ARHGEF26: variants seen among roughly 807,000 people sequenced by gnomAD.
ARHGEF26 encodes Rho guanine nucleotide exchange factor (GEF) 26.
Under a neutral mutation model 89.4 loss-of-function variants are expected in ARHGEF26, and 59 were observed. The ratio of observed to expected loss-of-function variants is 0.66; its 90% CI spans 0.54 to 0.82. The LOEUF is 0.82. Among genes scored for constraint, ARHGEF26 ranks in the 40% least tolerant of loss-of-function variants. The pLI is 0.00. For synonymous variants in ARHGEF26, 500 were observed against 428.4 expected (o/e 1.17, Z -2.06); for missense variants, 1,234 against 1,085.6 (o/e 1.14, Z -1.92).
In ARHGEF26 at chr3:154,253,178, G is replaced by C. The variant is rs774495050; in HGVS notation, c.2363G>C (p.Arg788Pro). The C allele has an allele frequency of 1.9e-6, 3 of 1,613,888 alleles. No individual in the cohort carries two copies. The highest frequency in any genetic ancestry group is 1.7e-5 in the Admixed American group (1 of 60,000). The change falls in exon 13 of 15, where the codon CGA (arginine) becomes CCA (proline). Residue 788 changes from arginine to proline, a missense_variant. Physicochemically the swap from Arg to Pro is moderately radical, Grantham distance 103. Coordinates refer to ENST00000465093, the MANE Select transcript of ARHGEF26 (RefSeq NM_015595.4). ...AGCAGCGGGAAGCCGCCTGCAGACC[G>C]AACCTGTAAGTTCTCTCAAGGGGAA... ...GHSSGKPPAD[R>P]TSLTQVEIVR...
intron 11 of ARHGEF26, among the ~76,000 whole-genome samples, chr3:154,239,251 AGAGAGAGAGG>A (rs1164226899): frequency 0.014 from 330 of 23,638 alleles, 8 homozygotes; most frequent in African/African-American, 0.035. Flanking sequence ...TAAATGACCG[AGAGAGAGAGG>A]GAGAGAGAGA....
intron 9 of ARHGEF26, among the ~76,000 whole-genome samples, chr3:154,214,624 G>T (rs1413142895): frequency 2.0e-5 from 3 of 152,178 alleles, no homozygotes; most frequent in Admixed American, 2.0e-4. Flanking sequence ...AATTTAAGAA[G>T]AGGTGCCGTG....
At chr3:154,154,902 ATATT>A (rs1159704235) in intron 6 of ARHGEF26, among the ~76,000 whole-genome samples, 5 of 152,020 alleles carry the variant, frequency 3.3e-5, no homozygotes, top group African/African-American at 1.2e-4. Context: ...ACCCTGCTAT[ATATT>A]AGCCATTCTA....
intron 11 of ARHGEF26, 113 bp downstream of exon 11, chr3:154,226,123 T>C (rs1211158947): frequency 3.3e-6 from 3 of 904,398 alleles, no homozygotes; most frequent in African/African-American, 1.7e-5. Context: ...AAGTATAGTT[T>C]CTACATACTG....
intron 6 of ARHGEF26, among the ~76,000 whole-genome samples, chr3:154,177,340 G>A (rs1048832428): frequency 1.3e-5 from 2 of 152,296 alleles, no homozygotes; most frequent in Admixed American, 6.5e-5. Flanking sequence ...CCTTGTAAGA[G>A]GGTATAAAAG....
intron 9 of ARHGEF26, among the ~76,000 whole-genome samples, chr3:154,213,612 A>C (rs1217987214): frequency 6.6e-6 from 1 of 152,102 alleles, no homozygotes; most frequent in African/African-American, 2.4e-5. Flanking sequence ...CAAACTTAAT[A>C]ATGCCATTTT....
At position 154,243,804 on chromosome 3, in the gene ARHGEF26, A is replaced by G. The variant is rs193015563; in HGVS notation, c.2300+3225A>G. On this transcript the variant is annotated intron_variant, in intron 12 of 14. Transcript: ENST00000465093. ...AAATGGACATGCTTTCAAGACATAA[A>G]ATAGTATTGGTGTTGAAAAAATATA... is the stretch of plus-strand genomic sequence containing the variant. 1.4e-3 allele frequency among the ~76,000 whole-genome samples: 208 copies of G among 151,198 alleles called. 1 individual carries two copies. Among genetic ancestry groups the G allele is most frequent in the African/African-American group, 5.0e-3 (205 of 41,018 alleles).
At chr3:154,226,523 T>G (rs1487841274) in intron 11 of ARHGEF26, among the ~76,000 whole-genome samples, 1 of 152,194 alleles carries the variant, frequency 6.6e-6, no homozygotes, top group Non-Finnish European at 1.5e-5. Context: ...AGTAAATCAT[T>G]TGATTGGCAG....
chr3:154,250,016 TG>T lies in ARHGEF26; in HGVS notation c.2301-3095del, dbSNP rs555266511. 5.0e-3 allele frequency among the ~76,000 whole-genome samples: 757 copies of T among 152,236 alleles called. 7 individuals carry two copies. The highest frequency in any genetic ancestry group is 0.017 in the African/African-American group (705 of 41,540). The stretch of plus-strand genomic sequence containing the variant: ...GATGTAGTACTTTCTGCTTCATAGC[TG>T]GGGGAGCTCCTTAGCAGGCTCTTTT... On this transcript the variant is annotated intron_variant, in intron 12 of 14. Coordinates refer to ENST00000465093, the MANE Select transcript of ARHGEF26 (RefSeq NM_015595.4).
chr3:154,187,936 T>C lies in ARHGEF26; in HGVS notation c.1640+99T>C. 3.4e-6 allele frequency: 4 copies of C among 1,179,214 alleles called. No homozygotes were observed. The South Asian group carries it at 8.0e-5, about 24-fold the overall frequency. The allele number at this position is 1,179,214 out of a possible 1,614,324, so 73.0% of individuals were successfully genotyped here. A position where few individuals can be genotyped will look rare whatever the true frequency, so the allele number is the denominator to read the frequency against. On this transcript the variant is annotated intron_variant, in intron 7 of 14. Transcript: ENST00000465093. ...TGATCTTTTGAATTATATTTAGAAA[T>C]GCCTCCTGATAGGCTATTTCCCAGA...
Position 154,209,727 on chromosome 3 carries a change from C to T in ARHGEF26, c.1846-8142C>T, listed in dbSNP as rs62276963. Among the ~76,000 whole-genome samples, 1,134 of 152,292 alleles carry T rather than the reference C, an allele frequency of 7.4e-3. 9 individuals carry two copies. Among genetic ancestry groups the T allele is most frequent in the Non-Finnish European group, 0.011 (726 of 68,026 alleles). On this transcript the variant is annotated intron_variant, in intron 9 of 14. Coordinates refer to ENST00000465093, the MANE Select transcript of ARHGEF26 (RefSeq NM_015595.4). The stretch of plus-strand genomic sequence containing the variant: ...GAGGCCAGCACAGTGCTGGATCTCG[C>T]TCAAGGTCTGCTCTAACCACTCCCT...
At chr3:154,229,204 T>C (rs1484137831) in intron 11 of ARHGEF26, among the ~76,000 whole-genome samples, 1 of 151,946 alleles carries the variant, frequency 6.6e-6, no homozygotes, top group East Asian at 1.9e-4. Flanking sequence ...ATTTTAATTA[T>C]TAATTTTTTT....
chr3:154,215,286 T>A (rs1715648438), intron 9 of ARHGEF26, among the ~76,000 whole-genome samples: 2 of 152,096 alleles, frequency 1.3e-5, no homozygotes, highest in Non-Finnish European at 2.9e-5. Flanking sequence ...AGTAACTACT[T>A]CTCCTTCAGC....
intron 3 of ARHGEF26, among the ~76,000 whole-genome samples, chr3:154,126,544 T>A (rs1252117740): frequency 6.6e-6 from 1 of 152,200 alleles, no homozygotes; most frequent in Non-Finnish European, 1.5e-5. Context: ...TGCTGTCTAA[T>A]CTAAGCAAGT....
intron 11 of ARHGEF26, 26 bp from the exon 12 acceptor site, chr3:154,240,344 C>G (rs370483563): frequency 6.5e-7 from 1 of 1,537,444 alleles, no homozygotes; most frequent in Non-Finnish European, 8.9e-7. Context: ...GAATAATTGA[C>G]GTGTTCTTTT....
At chr3:154,253,087 C>T (rs1228227420) in intron 12 of ARHGEF26, 29 bp from the exon 13 acceptor site, 2 of 1,612,942 alleles carry the variant, frequency 1.2e-6, no homozygotes, top group Non-Finnish European at 1.7e-6. Context: ...CACCTTGAGT[C>T]TCTCAGTTGG....
chr3:154,229,096 T>C (rs1716676514), intron 11 of ARHGEF26, among the ~76,000 whole-genome samples: 1 of 152,238 alleles, frequency 6.6e-6, no homozygotes, highest in Admixed American at 6.5e-5. Context: ...ACAGTGCATG[T>C]ATCACTGCTT....
Position 154,225,851 on chromosome 3 carries a change from T to A in ARHGEF26, c.1936-5T>A. ...TTTGGTCACTGGGTTTTTCTCCTTT[T>A]GTAGCCTTTTCCTTTAGTCTCCTCT... On this transcript the variant is annotated splice_polypyrimidine_tract_variant and splice_region_variant and intron_variant, in intron 10 of 14. Coordinates refer to ENST00000465093, the MANE Select transcript of ARHGEF26 (RefSeq NM_015595.4). 6.3e-7 allele frequency: 1 copy of A among 1,593,172 alleles called. No individual in the cohort carries two copies. Among genetic ancestry groups the A allele is most frequent in the Non-Finnish European group, 8.5e-7 (1 of 1,173,266 alleles).
intron 3 of ARHGEF26, among the ~76,000 whole-genome samples, chr3:154,128,363 G>A (rs1003994639): frequency 3.3e-5 from 5 of 151,992 alleles, no homozygotes; most frequent in African/African-American, 7.2e-5. Flanking sequence ...TCAGCCTCCC[G>A]AGTAGCTGGG....
Sources: allele counts gnomAD v4.1 joint callset (sites outside exome capture counted in the v4.1 genomes callset), GRCh38; gene constraint gnomAD v4.1.1; transcripts MANE v1.5; gene names NCBI Gene and HGNC (gene_info 2026-07-23, HGNC 2026-07-21).